The following CPE variants were observed in gnomAD, a reference collection of about 807,000 sequenced individuals.
CPE encodes the protein carboxypeptidase E, also known as carbocypeptidase E.
Under a neutral mutation model 53.5 loss-of-function variants are expected in CPE, and 17 were observed. The observed-to-expected ratio is 0.32, with a 90% CI of 0.22 to 0.48. CPE has a LOEUF of 0.48. CPE is among the 20% of genes least tolerant of loss of function. CPE has a pLI of 0.99. For missense variants in CPE, 524 were observed against 614.7 expected (o/e 0.85, Z 1.56); for synonymous variants, 226 against 228.8 (o/e 0.99, Z 0.11).
intron 1 of CPE, chr4:165,404,398 G>A (rs558418311): frequency 2.2e-5 from 17 of 764,732 alleles, no homozygotes; most frequent in Middle Eastern, 6.8e-4. Context: ...CTAAAATACC[G>A]TTCATGTCAG....
At chr4:165,466,496 ATAAAT>A (rs904055436) in intron 2 of CPE, among the ~76,000 whole-genome samples, 1 of 152,108 alleles carries the variant, frequency 6.6e-6, no homozygotes, top group African/African-American at 2.4e-5. Flanking sequence ...TCCTGCAGTA[ATAAAT>A]TAAACTTACC....
intron 1 of CPE, among the ~76,000 whole-genome samples, chr4:165,402,672 C>T (rs112507631): frequency 0.02 from 3,094 of 152,214 alleles, 87 homozygotes; most frequent in African/African-American, 0.058. Context: ...GCCGTGTAGA[C>T]GCAAGCACCA....
chr4:165,386,230 C>G (rs572679697), intron 1 of CPE: 1 of 522,860 alleles, frequency 1.9e-6, no homozygotes, highest in African/African-American at 2.0e-5. Context: ...GTATTTCCCA[C>G]TGTTGGTCTA....
chr4:165,470,560 C>T (rs1732187267), intron 3 of CPE, among the ~76,000 whole-genome samples: 1 of 152,164 alleles, frequency 6.6e-6, no homozygotes, highest in Non-Finnish European at 1.5e-5. Flanking sequence ...GCTTTTCTGT[C>T]TGTTGAGGGA....
At chr4:165,437,618 T>C (rs1731529782) in intron 1 of CPE, among the ~76,000 whole-genome samples, 1 of 152,188 alleles carries the variant, frequency 6.6e-6, no homozygotes, top group African/African-American at 2.4e-5. Flanking sequence ...TTAGATATAA[T>C]GAAATGAGGA....
chr4:165,414,888 T>C (rs1172165643), intron 1 of CPE, among the ~76,000 whole-genome samples: 2 of 151,896 alleles, frequency 1.3e-5, no homozygotes, highest in African/African-American at 2.4e-5. Context: ...AAGTGAACTT[T>C]AGTGACATTA....
At chr4:165,447,527 C>T (rs895612516) in intron 1 of CPE, among the ~76,000 whole-genome samples, 16 of 150,770 alleles carry the variant, frequency 1.1e-4, no homozygotes, top group Non-Finnish European at 2.1e-4. Flanking sequence ...GCTGAGATCA[C>T]GCCACTGCAC....
At chr4:165,484,229 T>G (rs765377432) in intron 4 of CPE, among the ~76,000 whole-genome samples, 193 bp from the exon 5 acceptor site, 6 of 152,272 alleles carry the variant, frequency 3.9e-5, no homozygotes, top group Non-Finnish European at 7.4e-5. Context: ...CTTTGTAGTA[T>G]TAGGAATGGA....
chr4:165,455,172 G>A (rs1441415226), intron 1 of CPE, among the ~76,000 whole-genome samples: 1 of 152,182 alleles, frequency 6.6e-6, no homozygotes, highest in Non-Finnish European at 1.5e-5. Context: ...AATAAAATAT[G>A]TTAATGAGAG....
intron 1 of CPE, chr4:165,418,418 CAA>C (rs1391843390): frequency 2.0e-5 from 3 of 152,178 alleles, no homozygotes; most frequent in Non-Finnish European, 2.9e-5. Context: ...CTGAAAATCA[CAA>C]AGTCTATAAA....
chr4:165,380,404 G>A (rs1203758923), intron 1 of CPE, among the ~76,000 whole-genome samples: 1 of 152,036 alleles, frequency 6.6e-6, no homozygotes, highest in African/African-American at 2.4e-5. Context: ...AGCACCTTTT[G>A]GTTTATGTTA....
At chr4:165,481,714 G>A (rs893371148) in intron 3 of CPE, among the ~76,000 whole-genome samples, 6 of 152,192 alleles carry the variant, frequency 3.9e-5, no homozygotes, top group African/African-American at 1.4e-4. Flanking sequence ...CACTCTGAAA[G>A]AGACTCAACC....
intron 1 of CPE, among the ~76,000 whole-genome samples, chr4:165,459,901 T>G (rs1731969633): frequency 1.8e-5 from 2 of 111,050 alleles, no homozygotes; most frequent in East Asian, 2.5e-4. Context: ...GGCAACAGAG[T>G]GAGACTCTGT....
chr4:165,491,994 G>C (rs542199827), intron 6 of CPE, among the ~76,000 whole-genome samples: 7 of 147,270 alleles, frequency 4.8e-5, no homozygotes, highest in African/African-American at 1.7e-4. Context: ...AATGCATTAC[G>C]ATTTGATATT....
chr4:165,429,478 A>T (rs67261593), intron 1 of CPE, among the ~76,000 whole-genome samples: 1 of 151,896 alleles, frequency 6.6e-6, no homozygotes, highest in African/African-American at 2.4e-5. Flanking sequence ...CAACACGAGT[A>T]GATTGCTTGA....
intron 3 of CPE, among the ~76,000 whole-genome samples, chr4:165,480,395 C>T (rs762499257): frequency 3.9e-5 from 6 of 152,204 alleles, no homozygotes; most frequent in Non-Finnish European, 8.8e-5. Context: ...AAGGAAAGTA[C>T]AGATTTGGAC....
At chr4:165,474,318 G>A (rs767535218) in intron 3 of CPE, among the ~76,000 whole-genome samples, 2 of 152,178 alleles carry the variant, frequency 1.3e-5, no homozygotes, top group Admixed American at 1.3e-4. Context: ...TAGGCCAAAC[G>A]ATATTACAAA....
intron 3 of CPE, among the ~76,000 whole-genome samples, chr4:165,474,808 G>A (rs950004824): frequency 3.3e-5 from 5 of 152,176 alleles, no homozygotes; most frequent in African/African-American, 9.7e-5. Context: ...TTGTCTCCAT[G>A]ACATTATGGT....
chr4:165,470,776 G>A (rs1316699382), intron 3 of CPE, among the ~76,000 whole-genome samples: 1 of 152,102 alleles, frequency 6.6e-6, no homozygotes, highest in Non-Finnish European at 1.5e-5. Flanking sequence ...ATGGATAAAG[G>A]TCAGTCTTCT....
Sources: allele counts gnomAD v4.1 joint callset (sites outside exome capture counted in the v4.1 genomes callset), GRCh38; gene constraint gnomAD v4.1.1; transcripts MANE v1.5; gene names NCBI Gene and HGNC (gene_info 2026-07-23, HGNC 2026-07-21).